Variants in METTL25 observed in about 807,000 individuals in gnomAD.
The protein encoded by METTL25 is probable methyltransferase-like protein 25.
Under a neutral mutation model 71.6 loss-of-function variants are expected in METTL25, and 64 were observed. That is an observed-to-expected ratio of 0.89 (90% confidence interval 0.73 to 1.10). METTL25 has a LOEUF of 1.10. Among genes scored for constraint, METTL25 ranks in the 50% least tolerant of loss-of-function variants. METTL25 has a pLI of 0.00. For synonymous variants in METTL25, 287 were observed against 250.3 expected, an observed-to-expected ratio of 1.15 and a Z score of -1.38; for missense variants, 807 against 707.0, an observed-to-expected ratio of 1.14 and a Z score of -1.60.
chr12:82,399,915 A>AT (rs199628690), intron 4 of METTL25, among the ~76,000 whole-genome samples: 280 of 148,982 alleles, frequency 1.9e-3, no homozygotes, highest in African/African-American at 6.7e-3. Context: ...TATAGAGGAG[A>AT]TTCTAGAGAT....
intron 1 of METTL25, among the ~76,000 whole-genome samples, chr12:82,377,566 A>C (rs1883999972): frequency 6.6e-6 from 1 of 152,208 alleles, no homozygotes; most frequent in African/African-American, 2.4e-5. Flanking sequence ...AGTTAGACTA[A>C]TTTTAGAAAT....
chr12:82,359,889 T>C (rs1244267657), intron 1 of METTL25, among the ~76,000 whole-genome samples: 1 of 152,256 alleles, frequency 6.6e-6, no homozygotes, highest in Non-Finnish European at 1.5e-5. Flanking sequence ...CCTCTTATAA[T>C]AGCACTTGGT....
In METTL25 at chr12:82,401,546, T is replaced by TG. The variant is rs543596913; in HGVS notation, c.1132-1436dup. 3.6e-3 allele frequency among the ~76,000 whole-genome samples: 543 copies of TG among 152,170 alleles called. 4 individuals carry two copies. Among genetic ancestry groups the TG allele is most frequent in the Non-Finnish European group, 6.1e-3 (415 of 67,910 alleles). On this transcript the variant is annotated intron_variant, in intron 4 of 11. Coordinates refer to ENST00000248306, the MANE Select transcript of METTL25 (RefSeq NM_032230.3). ...TTCCAAATCACACTGTGACAGAACT[T>TG]GAATTTAGACAGGCTTTTTCCCGAG... is the stretch of plus-strand genomic sequence containing the variant.
At chr12:82,469,796 A>C (rs989617130) in intron 9 of METTL25, among the ~76,000 whole-genome samples, 4 of 152,108 alleles carry the variant, frequency 2.6e-5, no homozygotes, top group African/African-American at 9.7e-5. Context: ...GTGACCAGAT[A>C]CTACCATCTG....
At chr12:82,419,833 C>G (rs935192745) in intron 5 of METTL25, among the ~76,000 whole-genome samples, 1 of 152,052 alleles carries the variant, frequency 6.6e-6, no homozygotes, top group Admixed American at 6.6e-5. Flanking sequence ...AGTAGAATTA[C>G]CATTTGATTC....
chr12:82,432,752 A>C (rs1889611847), intron 6 of METTL25, among the ~76,000 whole-genome samples: 1 of 151,418 alleles, frequency 6.6e-6, no homozygotes, highest in Non-Finnish European at 1.5e-5. Flanking sequence ...TTTGATTCCA[A>C]AGTAATGTTG....
chr12:82,360,012 C>T (rs905874264), intron 1 of METTL25, among the ~76,000 whole-genome samples: 6 of 152,090 alleles, frequency 3.9e-5, no homozygotes, highest in Non-Finnish European at 2.9e-5. Context: ...ACTTAAACTC[C>T]AAAAGAGCAG....
At chr12:82,439,991 C>T (rs142621585) in intron 8 of METTL25, 2 of 189,952 alleles carry the variant, frequency 1.1e-5, no homozygotes, top group Non-Finnish European at 1.9e-5. Flanking sequence ...GAAGACAGCT[C>T]GTATTTATTA....
At chr12:82,382,168 G>A (rs1884502684) in intron 1 of METTL25, among the ~76,000 whole-genome samples, 1 of 152,188 alleles carries the variant, frequency 6.6e-6, no homozygotes, top group South Asian at 2.1e-4. Flanking sequence ...TTGAATTGAA[G>A]ACATCTGTAG....
intron 1 of METTL25, among the ~76,000 whole-genome samples, chr12:82,373,808 T>G (rs1471529621): frequency 2.0e-5 from 3 of 152,188 alleles, no homozygotes; most frequent in African/African-American, 4.8e-5. Context: ...AGCCAGGGGT[T>G]GTTAGAGAGC....
chr12:82,404,754 C>T (rs545277540), intron 5 of METTL25, among the ~76,000 whole-genome samples: 1 of 152,130 alleles, frequency 6.6e-6, no homozygotes, highest in Non-Finnish European at 1.5e-5. Context: ...ACCAGCCTGG[C>T]CAACATGGTG....
intron 1 of METTL25, among the ~76,000 whole-genome samples, chr12:82,363,038 C>T (rs890104011): frequency 6.6e-6 from 1 of 152,118 alleles, no homozygotes; most frequent in Non-Finnish European, 1.5e-5. Context: ...CACATCCTTA[C>T]CAGGTCAAGG....
chr12:82,401,863 T>C (rs1886651456), intron 4 of METTL25, among the ~76,000 whole-genome samples: 1 of 152,050 alleles, frequency 6.6e-6, no homozygotes, highest in Non-Finnish European at 1.5e-5. Context: ...ATCTGGAAAA[T>C]TGAGAGGCTA....
chr12:82,448,759 A>G (rs1592742164), intron 8 of METTL25, among the ~76,000 whole-genome samples: 2 of 152,200 alleles, frequency 1.3e-5, no homozygotes, highest in Admixed American at 1.3e-4. Flanking sequence ...TTTAAACTGA[A>G]AAGTAACTTG....
intron 7 of METTL25, among the ~76,000 whole-genome samples, chr12:82,436,802 T>A (rs1889948533): frequency 6.6e-6 from 1 of 151,616 alleles, no homozygotes; most frequent in Admixed American, 6.6e-5. Flanking sequence ...AGATTTTAAC[T>A]ATTTTTAGGC....
At chr12:82,380,210 G>A (rs934873282) in intron 1 of METTL25, among the ~76,000 whole-genome samples, 5 of 152,134 alleles carry the variant, frequency 3.3e-5, no homozygotes, top group African/African-American at 1.2e-4. Context: ...TTATGAGTGA[G>A]AACGTTTGGT....
intron 8 of METTL25, among the ~76,000 whole-genome samples, chr12:82,445,417 A>C (rs1055082773): frequency 6.6e-6 from 1 of 151,938 alleles, no homozygotes; most frequent in Non-Finnish European, 1.5e-5. Context: ...AATTAGCTAT[A>C]GTATATAGTG....
intron 1 of METTL25, among the ~76,000 whole-genome samples, chr12:82,377,038 A>G (rs1046337682): frequency 6.6e-6 from 1 of 152,074 alleles, no homozygotes; most frequent in Non-Finnish European, 1.5e-5. Flanking sequence ...TCTTGAACCC[A>G]GGAGGCAGAG....
chr12:82,406,932 T>G (rs542948569), intron 5 of METTL25, among the ~76,000 whole-genome samples: 2 of 146,984 alleles, frequency 1.4e-5, no homozygotes, highest in African/African-American at 5.0e-5. Flanking sequence ...TAAAATCAAG[T>G]TTTTTTTTTT....
Sources: gnomAD v4.1 joint callset for allele counts (sites outside exome capture counted in the v4.1 genomes callset) on GRCh38, gnomAD v4.1.1 for gene constraint, MANE v1.5 for transcripts, NCBI Gene and HGNC (gene_info 2026-07-23, HGNC 2026-07-21) for gene names.